Variants in FER1L6 observed in about 807,000 individuals in gnomAD.
FER1L6 encodes the protein fer-1-like protein 6.
A neutral mutation model predicts 219.2 loss-of-function variants in FER1L6; 177 were observed. That is an observed-to-expected ratio of 0.81 (90% CI 0.71 to 0.91). The LOEUF (loss-of-function observed/expected upper bound fraction) is 0.91. FER1L6 is among the 40% of genes least tolerant of loss of function. The pLI is 0.00. For synonymous variants in FER1L6, 768 were observed against 824.3 expected (o/e 0.93, Z 1.17); for missense variants, 2,153 against 2,259.9 (o/e 0.95, Z 0.96).
At chr8:124,010,829 G>GTTT in intron 14 of FER1L6, 115 bp downstream of exon 14, 1 of 1,409,428 alleles carries the variant, frequency 7.1e-7, no homozygotes, top group South Asian at 1.4e-5. Flanking sequence ...AATAAATTGA[G>GTTT]GATGCTGCAT....
intron 22 of FER1L6, among the ~76,000 whole-genome samples, chr8:124,057,437 T>A (rs1260704009): frequency 6.6e-6 from 1 of 152,218 alleles, no homozygotes; most frequent in Non-Finnish European, 1.5e-5. Flanking sequence ...TATGTTGTAA[T>A]AAAGCACAGT....
chr8:124,040,154 C>T, intron 20 of FER1L6, 148 bp downstream of exon 20: 1 of 1,029,358 alleles, frequency 9.7e-7, no homozygotes, highest in Non-Finnish European at 1.4e-6. Context: ...CGAATATGTG[C>T]CCAGAAGGAC....
At chr8:124,083,633 CTGT>C (rs1485658328) in intron 33 of FER1L6, among the ~76,000 whole-genome samples, 3 of 152,044 alleles carry the variant, frequency 2.0e-5, no homozygotes, top group African/African-American at 7.2e-5. Flanking sequence ...ATTTATGTGT[CTGT>C]TGTTGTGCCA....
chr8:124,023,508 C>A lies in FER1L6; in HGVS notation c.2198C>A (p.Ala733Asp). The change falls in exon 18 of 41, where the codon GCC becomes GAC. Residue 733 changes from alanine to aspartate, a missense_variant. Ala to Asp is a moderately radical substitution (Grantham distance 126). Transcript: ENST00000522917. The stretch of plus-strand genomic sequence containing the variant: ...AGCAACAACAGGAGAGTGGCCTATG[C>A]CCGCATCGCCTCCAAAGACCTCCTC... ...MLSNNRRVAYARIASKDLLYS... is the reference protein window; with the variant it reads ...MLSNNRRVAYDRIASKDLLYS... 1 of 1,614,188 alleles carries A rather than the reference C, an allele frequency of 6.2e-7. No individual in the cohort carries two copies. The highest frequency in any genetic ancestry group is 2.2e-5 in the East Asian group (1 of 44,880).
chr8:123,988,564 GTATTT>G (rs781249160), intron 12 of FER1L6, among the ~76,000 whole-genome samples: 1 of 151,988 alleles, frequency 6.6e-6, no homozygotes, highest in South Asian at 2.1e-4. Context: ...TTATTCCTAG[GTATTT>G]TATTTTATTT....
In FER1L6 at chr8:123,852,422, C is replaced by T. The variant is rs1050762351; in HGVS notation, c.-8+237C>T. The stretch of plus-strand genomic sequence containing the variant: ...GTTGGCAGATTGGGTACTCAGTGGT[C>T]GCTGTAGCCAGGTTGACCTTGTTGC... On this transcript the variant is annotated intron_variant, in intron 1 of 40. Coordinates refer to ENST00000522917, the MANE Select transcript of FER1L6 (RefSeq NM_001039112.2). This position sits in a 1 kb window ranked among gnomAD's most constrained non-coding sequence, Gnocchi z 4.9. 1.9e-4 allele frequency among the ~76,000 whole-genome samples: 29 copies of T among 151,394 alleles called. No individual in the cohort carries two copies. Among genetic ancestry groups the T allele is most frequent in the Non-Finnish European group, 3.1e-4 (21 of 67,946 alleles).
intron 39 of FER1L6, among the ~76,000 whole-genome samples, chr8:124,114,869 TAC>T (rs1554649812): frequency 7.0e-6 from 1 of 143,726 alleles, no homozygotes; most frequent in Non-Finnish European, 1.5e-5. Flanking sequence ...AATACATGTA[TAC>T]ATATATATGC....
chr8:124,071,403 C>A, intron 30 of FER1L6, 103 bp from the exon 31 acceptor site: 1 of 1,486,456 alleles, frequency 6.7e-7, no homozygotes, highest in South Asian at 1.2e-5. Context: ...CCAGGTCCTG[C>A]AAATTCCCAA....
At chr8:123,875,399 A>C (rs559915161) in intron 1 of FER1L6, among the ~76,000 whole-genome samples, 16 of 152,062 alleles carry the variant, frequency 1.1e-4, no homozygotes, top group Non-Finnish European at 2.2e-4. Flanking sequence ...TCTCAGCACC[A>C]CTTTTTCTCA....
chr8:124,046,427 A>G (rs1179802006), intron 21 of FER1L6: 1 of 152,262 alleles, frequency 6.6e-6, no homozygotes, highest in African/African-American at 2.4e-5. Flanking sequence ...TGTGAACCAA[A>G]CCTCTTGTTC....
intron 12 of FER1L6, among the ~76,000 whole-genome samples, chr8:123,998,373 ACTCTCTCTCTCTCTCTCTCTCTCTCTCT>A (rs746709688): frequency 1.8e-4 from 6 of 32,456 alleles, no homozygotes; most frequent in African/African-American, 5.9e-4. Context: ...AAAGAGGGAA[ACTCTCTCTCTCTCTCTCTCTCTCTCTCT>A]CTCTCTCTCT....
chr8:124,027,919 C>T (rs986346682), intron 18 of FER1L6, among the ~76,000 whole-genome samples: 5 of 152,182 alleles, frequency 3.3e-5, no homozygotes, highest in African/African-American at 7.2e-5. Context: ...AAGTTTTTCA[C>T]CCAAGTCATT....
At chr8:124,010,411 A>G (rs561527414) in intron 13 of FER1L6, among the ~76,000 whole-genome samples, 183 bp from the exon 14 acceptor site, 2 of 152,290 alleles carry the variant, frequency 1.3e-5, no homozygotes, top group Non-Finnish European at 2.9e-5. Context: ...TAGCCATCTA[A>G]CTGTTCATTG....
chr8:123,956,039 A>T lies in FER1L6; in HGVS notation c.41A>T (p.Glu14Val). 6.2e-7 allele frequency: 1 copy of T among 1,612,296 alleles called. No individual in the cohort carries two copies. Among genetic ancestry groups the T allele is most frequent in the Non-Finnish European group, 8.5e-7 (1 of 1,179,508 alleles). Residue 14 changes from glutamate to valine, a missense_variant, in exon 2 of 41, where the codon GAG becomes GTG. Physicochemically the swap from Glu to Val is moderately radical, Grantham distance 121. Coordinates refer to ENST00000522917, the MANE Select transcript of FER1L6 (RefSeq NM_001039112.2). ...LKVKKKRNKA[E>V]KGLILANKAA... ...GTGAAGAAGAAGAGAAATAAGGCAG[A>T]GAAGGGGTTAATCCTAGCCAACAAG...
intron 39 of FER1L6, among the ~76,000 whole-genome samples, chr8:124,114,692 G>A (rs1823160231): frequency 6.6e-6 from 1 of 151,486 alleles, no homozygotes. Context: ...ATCCAGAAAT[G>A]GAATTCCTAC....
chr8:124,105,844 C>T (rs1013362952), intron 39 of FER1L6, among the ~76,000 whole-genome samples: 2 of 152,128 alleles, frequency 1.3e-5, no homozygotes, highest in South Asian at 2.1e-4. Flanking sequence ...AATACTGATA[C>T]GTGCAACAAC....
chr8:123,947,052 C>T (rs185749177), intron 1 of FER1L6, among the ~76,000 whole-genome samples: 1 of 151,724 alleles, frequency 6.6e-6, no homozygotes, highest in Non-Finnish European at 1.5e-5. Flanking sequence ...TTAGGGAGGC[C>T]GAGGAGGGCA....
At chr8:123,907,863 G>A (rs72727530) in intron 1 of FER1L6, among the ~76,000 whole-genome samples, 94 of 151,836 alleles carry the variant, frequency 6.2e-4, no homozygotes, top group Admixed American at 1.0e-3. Context: ...TGTCAGAGGG[G>A]CAGTAAACTT....
intron 13 of FER1L6, among the ~76,000 whole-genome samples, chr8:124,010,325 A>G (rs1817863971): frequency 6.6e-6 from 1 of 152,166 alleles, no homozygotes; most frequent in East Asian, 1.9e-4. Flanking sequence ...GGCCTGCCTA[A>G]AAAAATCCCG....
Sources: allele counts gnomAD v4.1 joint callset (sites outside exome capture counted in the v4.1 genomes callset), GRCh38; gene constraint gnomAD v4.1.1; non-coding constraint Gnocchi (gnomAD v3.1); transcripts MANE v1.5; gene names NCBI Gene and HGNC (gene_info 2026-07-23, HGNC 2026-07-21).